The following MIAT variants were observed in gnomAD, a reference collection of about 807,000 sequenced individuals.
The protein encoded by MIAT is myocardial infarction associated transcript, also known as MI related novel mRNA.
intron 3 of MIAT, among the ~76,000 whole-genome samples, chr22:26,664,483 A>G (rs1930776722): frequency 6.6e-6 from 1 of 152,222 alleles, no homozygotes; most frequent in Non-Finnish European, 1.5e-5. Context: ...CCCCAGTAAG[A>G]TCTCTCATAC....
intron 2 of MIAT, among the ~76,000 whole-genome samples, chr22:26,653,953 C>G (rs548805880): frequency 2.6e-5 from 4 of 152,302 alleles, no homozygotes; most frequent in African/African-American, 9.6e-5. Context: ...CTTGGCCAGA[C>G]TGGTCTCAAA....
chr22:26,671,646 G>A (rs1931051873), downstream of MIAT: 1 of 398,518 alleles, frequency 2.5e-6, no homozygotes, highest in Admixed American at 4.4e-5. Context: ...GCAGACCCAC[G>A]TTCCAGGACA....
chr22:26,665,412 A>C (rs1417723939), intron 3 of MIAT: 2 of 398,438 alleles, frequency 5.0e-6, no homozygotes, highest in Non-Finnish European at 8.8e-6. Context: ...TGTCAGCTAA[A>C]GGTCCCTTGA....
chr22:26,662,240 G>A (rs1602362379), intron 2 of MIAT, among the ~76,000 whole-genome samples: 1 of 152,046 alleles, frequency 6.6e-6, no homozygotes, highest in East Asian at 1.9e-4. Context: ...TATGGTGTGA[G>A]CCACTGCGCC....
chr22:26,670,932 TG>T (rs1931022659), downstream of MIAT: 2 of 396,816 alleles, frequency 5.0e-6, no homozygotes, highest in Non-Finnish European at 8.9e-6. Context: ...AGTCTCAACT[TG>T]GTTCCAGGAG....
chr22:26,667,351 T>TGTGTGTGTGTGTGTGTGTGTGTGC (rs1416499221), intron 5 of MIAT: 4 of 397,280 alleles, frequency 1.0e-5, no homozygotes, highest in African/African-American at 8.3e-5. Context: ...TGTGTGTGTG[T>TGTGTGTGTGTGTGTGTGTGTGTGC]GTGCGTGTGC....
chr22:26,648,781 A>G (rs905830462), intron 2 of MIAT, among the ~76,000 whole-genome samples: 6 of 152,214 alleles, frequency 3.9e-5, no homozygotes, highest in Non-Finnish European at 7.3e-5. Context: ...ATGTGTGTGC[A>G]CTGCAGACAG....
chr22:26,649,872 C>G (rs1930307488), intron 2 of MIAT, among the ~76,000 whole-genome samples: 1 of 152,276 alleles, frequency 6.6e-6, no homozygotes. Flanking sequence ...GAGATCATGC[C>G]ACTGCATTCC....
exon 4 of MIAT, chr22:26,666,650 G>A: frequency 2.5e-6 from 1 of 398,686 alleles, no homozygotes; most frequent in Non-Finnish European, 4.4e-6. Context: ...CAGGGAGTGA[G>A]TGAAGGGAAC....
intron 2 of MIAT, chr22:26,657,712 G>A (rs1930513572): frequency 2.5e-6 from 1 of 398,536 alleles, no homozygotes; most frequent in Non-Finnish European, 4.4e-6. Flanking sequence ...TCCCCTAACG[G>A]GGAACAGCCT....
intron 2 of MIAT, among the ~76,000 whole-genome samples, chr22:26,655,610 G>A (rs746304245): frequency 3.3e-5 from 5 of 152,204 alleles, no homozygotes; most frequent in Admixed American, 1.3e-4. Flanking sequence ...AACTGAGGAA[G>A]GGTGTGGAGC....
chr22:26,663,641 C>G (rs1930746773), intron 3 of MIAT: 1 of 371,932 alleles, frequency 2.7e-6, no homozygotes, highest in South Asian at 1.5e-4. Context: ...GTGCTCACAA[C>G]TGGTTCTTTG....
chr22:26,664,005 C>T (rs1199780727), intron 3 of MIAT, among the ~76,000 whole-genome samples: 2 of 116,254 alleles, frequency 1.7e-5, no homozygotes, highest in African/African-American at 3.8e-5. Context: ...CTGTGTTCAG[C>T]TTTTTTTTTT....
chr22:26,653,799 G>A (rs909316651), intron 2 of MIAT, among the ~76,000 whole-genome samples: 1 of 152,120 alleles, frequency 6.6e-6, no homozygotes, highest in East Asian at 1.9e-4. Flanking sequence ...GAGTGTAGTG[G>A]TGCGATCTCA....
At chr22:26,658,283 C>T (rs1238354660) in intron 2 of MIAT, 1 of 152,216 alleles carries the variant, frequency 6.6e-6, no homozygotes, top group African/African-American at 2.4e-5. Flanking sequence ...AGAGGTTACT[C>T]TACGCAGGGA....
At chr22:26,659,093 G>T (rs561844612) in intron 2 of MIAT, among the ~76,000 whole-genome samples, 1 of 152,278 alleles carries the variant, frequency 6.6e-6, no homozygotes, top group African/African-American at 2.4e-5. Context: ...CAAGGAGGAT[G>T]AGTCAGCAGG....
chr22:26,669,230 C>T (rs997073666), exon 6 of MIAT: 9 of 398,612 alleles, frequency 2.3e-5, no homozygotes, highest in African/African-American at 1.2e-4. Context: ...TCCTTTTTCC[C>T]AGAATGCGGA....
exon 2 of MIAT, chr22:26,647,244 T>A: frequency 5.0e-6 from 2 of 398,472 alleles, no homozygotes; most frequent in Non-Finnish European, 8.8e-6. Context: ...CTGGCAAACA[T>A]ATGTGGAAGG....
At chr22:26,670,828 A>G, downstream of MIAT, 1 of 398,596 alleles carries the variant, frequency 2.5e-6, no homozygotes, top group Non-Finnish European at 4.4e-6. Flanking sequence ...TCTATGGGAA[A>G]AGTACAGCAG....
Sources: allele counts gnomAD v4.1 joint callset (sites outside exome capture counted in the v4.1 genomes callset), GRCh38; gene constraint gnomAD v4.1.1; transcripts MANE v1.5; gene names NCBI Gene and HGNC (gene_info 2026-07-23, HGNC 2026-07-21).